EYS: variants seen among roughly 807,000 people sequenced by gnomAD.
The protein encoded by EYS is protein eyes shut homolog.
A neutral mutation model predicts 282.1 loss-of-function variants in EYS; 250 were observed. That is an observed-to-expected ratio of 0.89 (90% CI 0.80 to 0.98). EYS has a LOEUF of 0.98. EYS is among the 50% of genes least tolerant of loss of function. EYS has a pLI of 0.00. For synonymous variants in EYS, 1,355 were observed against 1,282.9 expected, an observed-to-expected ratio of 1.06 and a Z score of -1.20; for missense variants, 4,016 against 3,709.0, an observed-to-expected ratio of 1.08 and a Z score of -2.15.
chr6:64,069,840 A>C (rs1403255673), intron 32 of EYS, among the ~76,000 whole-genome samples: 1 of 152,094 alleles, frequency 6.6e-6, no homozygotes, highest in Non-Finnish European at 1.5e-5. Context: ...AAACCATGAA[A>C]ATTTTCAAAT....
chr6:65,373,736 CTTG>C (rs1166629714), intron 8 of EYS, among the ~76,000 whole-genome samples: 6 of 151,878 alleles, frequency 4.0e-5, no homozygotes, highest in South Asian at 2.1e-4. Flanking sequence ...TTTTAATATT[CTTG>C]TTGTTTAATT....
chr6:64,454,649 G>T (rs971201265), intron 26 of EYS, among the ~76,000 whole-genome samples: 2 of 152,040 alleles, frequency 1.3e-5, no homozygotes, highest in Non-Finnish European at 2.9e-5. Context: ...AAATCTATAT[G>T]TAGGGTTGTG....
At chr6:65,074,561 T>C (rs1773991180) in intron 12 of EYS, among the ~76,000 whole-genome samples, 1 of 152,062 alleles carries the variant, frequency 6.6e-6, no homozygotes. Flanking sequence ...ATCTAGGAAC[T>C]TACACTTCCC....
chr6:64,162,376 G>A (rs975839163), intron 31 of EYS, among the ~76,000 whole-genome samples: 1 of 152,122 alleles, frequency 6.6e-6, no homozygotes, highest in Non-Finnish European at 1.5e-5. Flanking sequence ...AGCTCAGCCA[G>A]GGAGGAATGA....
At chr6:64,075,070 G>T (rs1331766132) in intron 32 of EYS, among the ~76,000 whole-genome samples, 1 of 151,908 alleles carries the variant, frequency 6.6e-6, no homozygotes, top group East Asian at 1.9e-4. Flanking sequence ...AGACTGTTTG[G>T]TTATCTTGCA....
At chr6:64,557,464 T>G (rs1412280067) in intron 26 of EYS, among the ~76,000 whole-genome samples, 1 of 152,058 alleles carries the variant, frequency 6.6e-6, no homozygotes. Context: ...TACTGAATTG[T>G]CAATCTTATT....
At chr6:64,282,730 C>G (rs1033501400) in intron 30 of EYS, among the ~76,000 whole-genome samples, 4 of 152,180 alleles carry the variant, frequency 2.6e-5, no homozygotes, top group South Asian at 2.1e-4. Context: ...TAGGTCAAGA[C>G]ACTGCTATCT....
intron 14 of EYS, among the ~76,000 whole-genome samples, chr6:64,981,694 T>G (rs962204182): frequency 6.6e-6 from 1 of 151,390 alleles, no homozygotes; most frequent in African/African-American, 2.4e-5. Context: ...TGCTTTATTT[T>G]AAACCATTTT....
chr6:64,719,781 A>G (rs1771513941), intron 22 of EYS, among the ~76,000 whole-genome samples: 1 of 152,136 alleles, frequency 6.6e-6, no homozygotes, highest in Non-Finnish European at 1.5e-5. Flanking sequence ...GCGCATGCCT[A>G]TAGTCCCAGA....
chr6:64,580,306 CA>C (rs1381035178), intron 26 of EYS, among the ~76,000 whole-genome samples: 10 of 152,164 alleles, frequency 6.6e-5, no homozygotes, highest in African/African-American at 2.4e-4. Context: ...TGACCAAAGT[CA>C]AGGTGACATT....
intron 8 of EYS, among the ~76,000 whole-genome samples, chr6:65,357,263 T>TC (rs1400231600): frequency 6.6e-6 from 1 of 152,066 alleles, no homozygotes; most frequent in Admixed American, 6.6e-5. Flanking sequence ...ATGTTTATCT[T>TC]CTTAAGAAGA....
chr6:65,413,941 A>T (rs924077182), intron 5 of EYS, among the ~76,000 whole-genome samples: 1 of 152,094 alleles, frequency 6.6e-6, no homozygotes, highest in Admixed American at 6.6e-5. Context: ...CTAAAATAAT[A>T]TATTATATAA....
At chr6:65,002,737 C>A (rs1296355915) in intron 13 of EYS, among the ~76,000 whole-genome samples, 3 of 147,694 alleles carry the variant, frequency 2.0e-5, no homozygotes, top group African/African-American at 7.3e-5. Flanking sequence ...AACAGAGGGA[C>A]CGGCTGAAGC....
chr6:65,528,094 T>C (rs1053230612), intron 2 of EYS, among the ~76,000 whole-genome samples: 1 of 152,190 alleles, frequency 6.6e-6, no homozygotes, highest in East Asian at 1.9e-4. Flanking sequence ...ACAGCACATA[T>C]GTTGAAACAA....
intron 33 of EYS, among the ~76,000 whole-genome samples, chr6:64,051,895 T>C (rs927382359): frequency 2.0e-5 from 3 of 152,080 alleles, no homozygotes; most frequent in Admixed American, 6.6e-5. Flanking sequence ...ATGTCACCTA[T>C]AATAATAGAT....
intron 26 of EYS, among the ~76,000 whole-genome samples, chr6:64,518,131 T>A (rs1169841143): frequency 1.3e-5 from 2 of 151,886 alleles, no homozygotes. Flanking sequence ...TTAAAAACAT[T>A]ATCCAAATTT....
chr6:65,648,206 T>A (rs997574647), intron 1 of EYS, among the ~76,000 whole-genome samples: 7 of 152,114 alleles, frequency 4.6e-5, no homozygotes, highest in Non-Finnish European at 8.8e-5. Flanking sequence ...TAAGTCATTA[T>A]AACAAAAAGA....
At chr6:65,264,495 G>C (rs1463016002) in intron 12 of EYS, among the ~76,000 whole-genome samples, 1 of 152,016 alleles carries the variant, frequency 6.6e-6, no homozygotes, top group African/African-American at 2.4e-5. Flanking sequence ...CAGAATAGAA[G>C]TACTTCTTTG....
chr6:63,983,820 T>G (rs1009378081), intron 35 of EYS, among the ~76,000 whole-genome samples: 1 of 151,748 alleles, frequency 6.6e-6, no homozygotes, highest in Admixed American at 6.6e-5. Context: ...GACATTTAAG[T>G]GGAGCAGAAA....
Sources: allele counts gnomAD v4.1 joint callset (sites outside exome capture counted in the v4.1 genomes callset), GRCh38; gene constraint gnomAD v4.1.1; transcripts MANE v1.5; gene names NCBI Gene and HGNC (gene_info 2026-07-23, HGNC 2026-07-21).